MAP4K4: variants seen among roughly 807,000 people sequenced by gnomAD.
MAP4K4 encodes mitogen-activated protein kinase kinase kinase kinase 4.
MAP4K4 carries 38 observed loss-of-function variants against 189.6 expected under a neutral mutation model. The observed-to-expected ratio is 0.20, with a 90% CI of 0.15 to 0.26. MAP4K4 has a LOEUF of 0.26. Ranked by LOEUF, MAP4K4 falls within the 10% of genes least tolerant of loss-of-function variation. MAP4K4 has a pLI of 1.00. For missense variants in MAP4K4, 1,054 were observed against 1,726.9 expected, an observed-to-expected ratio of 0.61 and a Z score of 6.91; for synonymous variants, 610 against 624.3, an observed-to-expected ratio of 0.98 and a Z score of 0.34.
chr2:101,773,390 C>T (rs1040475735), intron 2 of MAP4K4, among the ~76,000 whole-genome samples: 6 of 152,224 alleles, frequency 3.9e-5, no homozygotes, highest in Non-Finnish European at 7.3e-5. Context: ...GGCCCAGAGG[C>T]GACCTGGGTT....
intron 29 of MAP4K4, among the ~76,000 whole-genome samples, chr2:101,886,092 G>A (rs866149502): frequency 3.3e-5 from 5 of 152,008 alleles, no homozygotes; most frequent in Admixed American, 6.6e-5. Context: ...CACAATATTC[G>A]CTTAAAAAAT....
At chr2:101,786,518 C>T (rs946416172) in intron 2 of MAP4K4, among the ~76,000 whole-genome samples, 5 of 152,114 alleles carry the variant, frequency 3.3e-5, no homozygotes, top group South Asian at 2.1e-4. Context: ...ATTCAAGCTA[C>T]GTGAAATGAT....
intron 2 of MAP4K4, among the ~76,000 whole-genome samples, chr2:101,733,256 A>T (rs1324985179): frequency 6.6e-6 from 1 of 152,080 alleles, no homozygotes; most frequent in Non-Finnish European, 1.5e-5. Context: ...CGATGGGGGG[A>T]TGCAGGGATG....
intron 3 of MAP4K4, among the ~76,000 whole-genome samples, chr2:101,818,168 C>T (rs1045594171): frequency 6.6e-6 from 1 of 152,140 alleles, no homozygotes; most frequent in Admixed American, 6.5e-5. Flanking sequence ...TCTCATTTTT[C>T]TACCCGTTCA....
chr2:101,803,048 A>T (rs749809474), intron 3 of MAP4K4, among the ~76,000 whole-genome samples: 4 of 152,076 alleles, frequency 2.6e-5, no homozygotes, highest in Middle Eastern at 3.2e-3. Flanking sequence ...AGCCTCCCAA[A>T]GTGCTGGGGT....
At chr2:101,882,930 G>A (rs1057512212) in intron 28 of MAP4K4, among the ~76,000 whole-genome samples, 1 of 152,076 alleles carries the variant, frequency 6.6e-6, no homozygotes, top group African/African-American at 2.4e-5. Flanking sequence ...AACTCACTCC[G>A]CCCTCAGTCT....
At chr2:101,803,505 C>T (rs1204135366) in intron 3 of MAP4K4, among the ~76,000 whole-genome samples, 2 of 152,072 alleles carry the variant, frequency 1.3e-5, no homozygotes, top group Non-Finnish European at 2.9e-5. Flanking sequence ...ACTTTAGCAC[C>T]CCTGCCCTTT....
chr2:101,879,294 T>C (rs1335981399), intron 27 of MAP4K4, among the ~76,000 whole-genome samples: 1 of 149,728 alleles, frequency 6.7e-6, no homozygotes, highest in East Asian at 1.9e-4. Flanking sequence ...TTTCCTTCCT[T>C]ATTAACTTTC....
At chr2:101,812,407 T>C (rs777073587) in intron 3 of MAP4K4, among the ~76,000 whole-genome samples, 1 of 152,220 alleles carries the variant, frequency 6.6e-6, no homozygotes, top group Non-Finnish European at 1.5e-5. Flanking sequence ...CTTCTTTTCA[T>C]GTCTTTCGTT....
At chr2:101,764,250 T>C (rs2077652296) in intron 2 of MAP4K4, among the ~76,000 whole-genome samples, 1 of 152,216 alleles carries the variant, frequency 6.6e-6, no homozygotes, top group Non-Finnish European at 1.5e-5. Context: ...CACTGTAATG[T>C]CATACGTAAA....
At chr2:101,781,530 C>T (rs189711929) in intron 2 of MAP4K4, among the ~76,000 whole-genome samples, 39 of 152,176 alleles carry the variant, frequency 2.6e-4, no homozygotes, top group African/African-American at 7.0e-4. Flanking sequence ...TGGAAGGCAT[C>T]GCATGGTGAG....
In MAP4K4 at chr2:101,698,143, T is replaced by A; in HGVS notation, c.57+6T>A. ...TCGACCTCTCCTCCCTGCGGGTGAG[T>A]GGGCCCGCGAGCGGGCGCGCGGGGA... On this transcript the variant is annotated splice_donor_region_variant and intron_variant, in intron 1 of 32. Coordinates refer to ENST00000324219, the Ensembl canonical transcript of MAP4K4. 8.2e-7 allele frequency: 1 copy of A among 1,217,974 alleles called. No individual in the cohort carries two copies. Among genetic ancestry groups the A allele is most frequent in the Non-Finnish European group, 1.1e-6 (1 of 941,686 alleles). The allele number at this position is 1,217,974 out of a possible 1,614,324, so 75.4% of individuals were successfully genotyped here.
chr2:101,859,813 C>G (rs1453887818), exon 15 of MAP4K4: 1 of 1,610,810 alleles, frequency 6.2e-7, no homozygotes, highest in Non-Finnish European at 8.5e-7. Context: ...AGCCAAGCTT[C>G]CATGCTCCCG....
chr2:101,697,968 G>C (rs1487622528), exon 1 of MAP4K4: 1 of 586,780 alleles, frequency 1.7e-6, no homozygotes, highest in Non-Finnish European at 2.5e-6. Flanking sequence ...GAGAGTACCG[G>C]GCCGGCTCGG....
At chr2:101,796,383 G>A (rs1302753531) in intron 3 of MAP4K4, among the ~76,000 whole-genome samples, 1 of 152,110 alleles carries the variant, frequency 6.6e-6, no homozygotes, top group Non-Finnish European at 1.5e-5. Context: ...TGCTTTAATG[G>A]AGCCTTGGGA....
Position 101,700,008 on chromosome 2 carries a change from A to AT in MAP4K4, c.123+1478dup, listed in dbSNP as rs528712583. Among the ~76,000 whole-genome samples the AT allele has an allele frequency of 2.1e-4, 32 of 152,056 alleles. No homozygotes were observed. The South Asian group carries it at 6.6e-3, about 32-fold the overall frequency. ...TCTGTTGTTTGTTTAAGCACCAGTC[A>AT]TTTTTTTTCTAACCCAGTTTTTTCT... On this transcript the variant is annotated intron_variant, in intron 2 of 32. Transcript: ENST00000324219.
At chr2:101,708,637 T>C (rs1453865750) in intron 2 of MAP4K4, among the ~76,000 whole-genome samples, 1 of 152,226 alleles carries the variant, frequency 6.6e-6, no homozygotes. Flanking sequence ...TTCTGTATTA[T>C]GAAATTAACC....
chr2:101,885,531 G>A (rs1577424487), intron 29 of MAP4K4, among the ~76,000 whole-genome samples: 1 of 152,338 alleles, frequency 6.6e-6, no homozygotes, highest in South Asian at 2.1e-4. Context: ...ATGTGGCAAT[G>A]TGTTCACAGA....
At chr2:101,849,907 A>G (rs1270186573) in intron 12 of MAP4K4, among the ~76,000 whole-genome samples, 1 of 152,142 alleles carries the variant, frequency 6.6e-6, no homozygotes, top group Non-Finnish European at 1.5e-5. Context: ...AAAAATATTA[A>G]ACAAGATGGT....
Sources: gnomAD v4.1 joint callset for allele counts (sites outside exome capture counted in the v4.1 genomes callset) on GRCh38, gnomAD v4.1.1 for gene constraint, MANE v1.5 for transcripts, NCBI Gene and HGNC (gene_info 2026-07-23, HGNC 2026-07-21) for gene names.